WASHC1: variants seen among roughly 807,000 people sequenced by gnomAD.
WASHC1 encodes the protein CXYorf1-like protein on chromosome 9.
In WASHC1, 11 loss-of-function variants were observed where a neutral mutation model predicts 26.1. That is an observed-to-expected ratio of 0.42 (90% CI 0.27 to 0.70). The LOEUF is 0.70. Among genes scored for constraint, WASHC1 ranks in the 30% least tolerant of loss-of-function variants. The probability of loss-of-function intolerance (pLI) is 0.24; values close to 1 mark genes in which losing one functional copy is unlikely to be tolerated. For missense variants in WASHC1, 96 were observed against 304.9 expected (o/e 0.31, Z 5.10); for synonymous variants, 37 against 126.6 (o/e 0.29, Z 4.75).
chr9:15,855 G>A (rs1800217177), intron 9 of WASHC1, 54 bp downstream of exon 9: 2 of 1,387,844 alleles, frequency 1.4e-6, no homozygotes, highest in Non-Finnish European at 1.9e-6. Flanking sequence ...GGCTGGAGGG[G>A]AGGAGGCGAT....
At position 17,040 on chromosome 9, in the gene WASHC1, TGCCGGGGCCCA is replaced by T; in HGVS notation, c.797_807del (p.Leu266HisfsTer18). 2 of 1,482,204 alleles carry T rather than the reference TGCCGGGGCCCA, an allele frequency of 1.3e-6. No individual in the cohort carries two copies. The highest frequency in any genetic ancestry group is 1.8e-6 in the Non-Finnish European group (2 of 1,121,104). The allele number at this position is 1,482,204 out of a possible 1,614,324, so 91.8% of individuals were successfully genotyped here. ...ATGGTGCCAGGGGCAGAGGGGGCAA[TGCCGGGGCCCA>T]GGTCGGCACTGTACATGAGGTCGTT... is the stretch of plus-strand genomic sequence containing the variant. On this transcript the variant is annotated frameshift_variant, in exon 7 of 11. Coordinates refer to ENST00000442898, the Ensembl canonical transcript of WASHC1. LOFTEE classifies it high-confidence loss of function.
exon 10 of WASHC1, chr9:15,137 C>A (rs1437202597): frequency 1.8e-6 from 1 of 544,538 alleles, no homozygotes; most frequent in Admixed American, 3.0e-5. Flanking sequence ...CCCACCTTGG[C>A]TCGTGGCTCT....
intron 2 of WASHC1, among the ~76,000 whole-genome samples, chr9:21,593 A>T (rs1173245596): frequency 1.6e-3 from 218 of 132,280 alleles, no homozygotes; most frequent in Middle Eastern, 3.8e-3. Context: ...CCTGCTCAAA[A>T]TCCAATCACA....
chr9:15,210 C>A, intron 9 of WASHC1, 61 bp from the exon 10 acceptor site: 1 of 417,400 alleles, frequency 2.4e-6, no homozygotes, highest in Non-Finnish European at 4.1e-6. Flanking sequence ...CGGTGGCTCC[C>A]TGTCCCCACC....
exon 11 of WASHC1, chr9:14,866 G>A (rs1324508092): frequency 1.4e-6 from 2 of 1,414,896 alleles, no homozygotes; most frequent in East Asian, 2.4e-5. Context: ...GGCGGCAAAG[G>A]AGGGATGGAG....
intron 1 of WASHC1, chr9:28,663 G>T: frequency 1.7e-5 from 2 of 117,488 alleles, no homozygotes; most frequent in African/African-American, 3.7e-5. Context: ...ACTCTTCAAT[G>T]CATTCCACAA....
Position 14,855 on chromosome 9 carries a change from T to C in WASHC1, c.1350A>G (p.Pro450=), listed in dbSNP as rs749787215. 2.8e-6 allele frequency: 4 copies of C among 1,435,372 alleles called. No homozygotes were observed. The Admixed American group carries it at 5.5e-5, about 20-fold the overall frequency. 88.9% of individuals were successfully genotyped at this position (1,435,372 alleles called of 1,614,324 possible). A position where few individuals can be genotyped will look rare whatever the true frequency, so the allele number is the denominator to read the frequency against. The stretch of plus-strand genomic sequence containing the variant: ...CCTCCTCTGCCTGTGGCTGCTGCGG[T>C]GGCGGCAAAGGAGGGATGGAGTCTG... The change falls in exon 11 of 11, where the codon CCA becomes CCG. Residue 450 remains proline, a synonymous_variant. Transcript: ENST00000442898.
intron 9 of WASHC1, 76 bp downstream of exon 9, chr9:15,833 C>A: frequency 5.9e-6 from 8 of 1,346,512 alleles, no homozygotes; most frequent in Non-Finnish European, 8.0e-6. Context: ...AGAAAGCACC[C>A]GGTGGACTCA....
In WASHC1 at chr9:15,945, T is replaced by G. The variant is rs1816248553; in HGVS notation, c.1159A>C (p.Lys387Gln). ...TCCTTCTGCTGCTGCTTCTCCAGCT[T>G]TCGCTCCTTCATGCTGCGCAGCTTG... Residue 387 changes from lysine to glutamine, a missense_variant, in exon 9 of 11, where the codon AAG (lysine) becomes CAG (glutamine). This residue lies in a region of WASHC1 where 54 missense variants were observed against 93.9 expected (regional missense o/e 0.58). Coordinates refer to ENST00000442898, the Ensembl canonical transcript of WASHC1. 7 of 1,318,252 alleles carry G rather than the reference T, an allele frequency of 5.3e-6. 3 individuals carry two copies. The highest frequency in any genetic ancestry group is 7.4e-6 in the Non-Finnish European group (7 of 951,032). 81.7% of individuals were successfully genotyped at this position (1,318,252 alleles called of 1,614,324 possible). A position where few individuals can be genotyped will look rare whatever the true frequency, so the allele number is the denominator to read the frequency against.
At chr9:14,809 A>C (rs746393172) in exon 11 of WASHC1, 3 of 1,540,294 alleles carry the variant, frequency 1.9e-6, no homozygotes, top group Non-Finnish European at 2.7e-6. Flanking sequence ...GGAGCCCCCT[A>C]CGATTCCCAG....
At chr9:14,965 G>A in intron 10 of WASHC1, 25 bp from the exon 11 acceptor site, 1 of 1,289,992 alleles carries the variant, frequency 7.8e-7, no homozygotes, top group Non-Finnish European at 1.1e-6. Context: ...CTGAGTGAGG[G>A]TGGTTGGTGG....
exon 11 of WASHC1, chr9:14,855 T>G (rs749787215): frequency 7.0e-7 from 1 of 1,435,292 alleles, no homozygotes; most frequent in African/African-American, 1.8e-5. Flanking sequence ...GCTGCTGCGG[T>G]GGCGGCAAAG....
Position 14,735 on chromosome 9 carries a change from T to C in WASHC1, c.*72A>G, listed in dbSNP as rs1322853874. On this transcript the variant is annotated 3_prime_UTR_variant, in exon 11 of 11. Transcript: ENST00000442898. ...TCCCAGGGAAGCAGGTCTGAGCAGC[T>C]TGTCCTGGCTGTGTCCATGTCAGAG... The C allele has an allele frequency of 1.3e-5, 19 of 1,437,386 alleles. No individual in the cohort carries two copies. In the East Asian group the frequency reaches 3.6e-4, roughly 28 times the overall value. 89.0% of individuals were successfully genotyped at this position (1,437,386 alleles called of 1,614,324 possible).
At chr9:17,087 G>C (rs1239689274) in exon 7 of WASHC1, 1 of 1,401,340 alleles carries the variant, frequency 7.1e-7, no homozygotes, top group Non-Finnish European at 9.4e-7. Context: ...GGCAATGCCG[G>C]GCAGGTCAGG....
intron 1 of WASHC1, among the ~76,000 whole-genome samples, chr9:25,842 CCT>C (rs1817322624): frequency 1.3e-5 from 1 of 78,794 alleles, no homozygotes. Context: ...AATCACAGCC[CCT>C]CACTGGAAAA....
Position 15,937 on chromosome 9 carries a change from C to G in WASHC1, c.1167G>C (p.Glu389Asp). 1 of 1,386,290 alleles carries G rather than the reference C, an allele frequency of 7.2e-7. No individual in the cohort carries two copies. Among genetic ancestry groups the G allele is most frequent in the East Asian group, 2.4e-5 (1 of 41,854 alleles). The allele number at this position is 1,386,290 out of a possible 1,614,324, so 85.9% of individuals were successfully genotyped here. Reference sequence around the variant, plus strand: ...GCTCCTGCTCCTTCTGCTGCTGCTTCTCCAGCTTTCGCTCCTTCATGCTGC... The same window carrying G: ...GCTCCTGCTCCTTCTGCTGCTGCTTGTCCAGCTTTCGCTCCTTCATGCTGC... Residue 389 changes from glutamate to aspartate, a missense_variant, in exon 9 of 11, where the codon GAG becomes GAC. Physicochemically the swap from Glu to Asp is conservative, Grantham distance 45 (BLOSUM62 2). Coordinates refer to ENST00000442898, the Ensembl canonical transcript of WASHC1.
chr9:14,792 G>A (rs777910670), exon 11 of WASHC1: 8 of 1,534,754 alleles, frequency 5.2e-6, no homozygotes, highest in Non-Finnish European at 7.1e-6. Context: ...GGGGGGGAAG[G>A]TGTCATGGAG....
exon 7 of WASHC1, chr9:17,036 G>C (rs1298131933): frequency 6.8e-7 from 1 of 1,477,100 alleles, no homozygotes; most frequent in Admixed American, 1.9e-5. Flanking sequence ...GGCAGAGGGG[G>C]CAATGCCGGG....
At chr9:15,111 G>C (rs1237698098) in exon 10 of WASHC1, 2 of 684,356 alleles carry the variant, frequency 2.9e-6, no homozygotes, top group Non-Finnish European at 4.7e-6. Context: ...TTGTTGAAGA[G>C]ATCCGACATC....
Sources: allele counts gnomAD v4.1 joint callset (sites outside exome capture counted in the v4.1 genomes callset), GRCh38; gene constraint gnomAD v4.1.1; regional missense constraint gnomAD v4.1.1; transcripts MANE v1.5; gene names NCBI Gene and HGNC (gene_info 2026-07-23, HGNC 2026-07-21).